The following KCNN2 variants were observed in gnomAD, a reference collection of about 807,000 sequenced individuals.
KCNN2 encodes the protein potassium calcium-activated channel subfamily N member 2.
KCNN2 carries 24 observed loss-of-function variants against 55.5 expected under a neutral mutation model. The observed-to-expected ratio is 0.43, with a 90% CI of 0.31 to 0.61. The LOEUF (loss-of-function observed/expected upper bound fraction) is 0.61, where lower values mean the gene tolerates loss of function less well. KCNN2 is among the 20% of genes least tolerant of loss of function. KCNN2 has a pLI of 0.08. For synonymous variants in KCNN2, 431 were observed against 336.1 expected (o/e 1.28, Z -3.09); for missense variants, 754 against 853.6 (o/e 0.88, Z 1.45).
At chr5:114,284,953 C>G (rs997173258) in intron 2 of KCNN2, among the ~76,000 whole-genome samples, 1 of 151,924 alleles carries the variant, frequency 6.6e-6, no homozygotes, top group Non-Finnish European at 1.5e-5. Flanking sequence ...TTTAAGCTAC[C>G]CAGTCTGTAG....
At chr5:114,432,430 T>G (rs1425734775) in intron 3 of KCNN2, among the ~76,000 whole-genome samples, 1 of 152,274 alleles carries the variant, frequency 6.6e-6, no homozygotes, top group Non-Finnish European at 1.5e-5. Context: ...TATATCATTC[T>G]CTGTTGCCTT....
At chr5:114,413,822 G>C (rs1334271439) in intron 3 of KCNN2, among the ~76,000 whole-genome samples, 1 of 152,150 alleles carries the variant, frequency 6.6e-6, no homozygotes, top group Non-Finnish European at 1.5e-5. Flanking sequence ...CTGATGTACA[G>C]ATTTCATGGA....
intron 1 of KCNN2, among the ~76,000 whole-genome samples, chr5:114,166,007 C>T (rs1225061918): frequency 6.6e-6 from 1 of 152,042 alleles, no homozygotes; most frequent in African/African-American, 2.4e-5. Context: ...GTCTTACCAT[C>T]TATAAATCCT....
intron 2 of KCNN2, among the ~76,000 whole-genome samples, chr5:114,233,819 A>G (rs1561533662): frequency 6.6e-6 from 1 of 152,296 alleles, no homozygotes; most frequent in East Asian, 1.9e-4. Context: ...CTTATCTTTA[A>G]GAAAACTACT....
intron 2 of KCNN2, among the ~76,000 whole-genome samples, chr5:114,396,537 A>G (rs1424864868): frequency 6.8e-6 from 1 of 146,168 alleles, no homozygotes; most frequent in Non-Finnish European, 1.5e-5. Context: ...TAAGCATAGT[A>G]CCCAATAGGT....
At chr5:114,382,286 G>A (rs979844288) in intron 2 of KCNN2, among the ~76,000 whole-genome samples, 2 of 152,084 alleles carry the variant, frequency 1.3e-5, no homozygotes, top group Non-Finnish European at 2.9e-5. Context: ...ACCATCCCTG[G>A]CATCCATCGT....
At chr5:114,059,766 A>G (rs1425223099) in intron 1 of KCNN2, among the ~76,000 whole-genome samples, 1 of 152,220 alleles carries the variant, frequency 6.6e-6, no homozygotes, top group African/African-American at 2.4e-5. Context: ...GTGAAGACAC[A>G]GGATGGCCAG....
chr5:114,431,000 T>C (rs1008919528), intron 3 of KCNN2, among the ~76,000 whole-genome samples: 3 of 152,136 alleles, frequency 2.0e-5, no homozygotes, highest in African/African-American at 7.2e-5. Context: ...CTAACATTTT[T>C]TGAGGATTTT....
At chr5:114,214,828 A>G (rs74642273) in intron 1 of KCNN2, among the ~76,000 whole-genome samples, 4,553 of 152,266 alleles carry the variant, frequency 0.03, 231 homozygotes, top group African/African-American at 0.1. Context: ...ACTTTCCCTG[A>G]GCGAAAATTT....
At chr5:114,067,002 A>G (rs1266934114) in intron 1 of KCNN2, among the ~76,000 whole-genome samples, 1 of 152,234 alleles carries the variant, frequency 6.6e-6, no homozygotes, top group African/African-American at 2.4e-5. Flanking sequence ...ATTATTTCAC[A>G]GTAAGGACAT....
chr5:114,312,680 G>T (rs1193324750), intron 2 of KCNN2, among the ~76,000 whole-genome samples: 8 of 151,728 alleles, frequency 5.3e-5, no homozygotes, highest in Non-Finnish European at 8.8e-5. Flanking sequence ...TAGGGGTTAA[G>T]CCCTAATGAT....
intron 2 of KCNN2, among the ~76,000 whole-genome samples, chr5:114,329,416 G>A (rs1036499138): frequency 6.6e-6 from 1 of 152,214 alleles, no homozygotes; most frequent in Non-Finnish European, 1.5e-5. Flanking sequence ...GGCAGGAGAA[G>A]GTGGAAGGAT....
At chr5:114,422,116 G>C (rs1289118554) in intron 3 of KCNN2, among the ~76,000 whole-genome samples, 1 of 152,214 alleles carries the variant, frequency 6.6e-6, no homozygotes, top group Non-Finnish European at 1.5e-5. Context: ...CACAAAGAGA[G>C]AATGTGAGTT....
chr5:114,374,618 G>C (rs894578962), intron 2 of KCNN2, among the ~76,000 whole-genome samples: 17 of 152,090 alleles, frequency 1.1e-4, no homozygotes, highest in African/African-American at 4.1e-4. Context: ...CAGGGAGCTT[G>C]TATCTTTTCT....
intron 1 of KCNN2, among the ~76,000 whole-genome samples, chr5:114,167,191 A>G (rs1027943111): frequency 7.9e-5 from 12 of 152,106 alleles, no homozygotes; most frequent in African/African-American, 2.4e-4. Context: ...CAGCCTTCAC[A>G]TCTTCTCAGC....
chr5:114,205,495 T>C (rs1416907014), intron 1 of KCNN2, among the ~76,000 whole-genome samples: 1 of 152,166 alleles, frequency 6.6e-6, no homozygotes, highest in Non-Finnish European at 1.5e-5. Flanking sequence ...AAATAACCTA[T>C]AAAACAGAAT....
At chr5:114,431,732 C>T (rs1759800305) in intron 3 of KCNN2, among the ~76,000 whole-genome samples, 1 of 152,082 alleles carries the variant, frequency 6.6e-6, no homozygotes, top group African/African-American at 2.4e-5. Flanking sequence ...AAATTTCCTT[C>T]CAAGTACTGC....
At chr5:114,142,616 C>T (rs1031462311) in intron 1 of KCNN2, among the ~76,000 whole-genome samples, 2 of 152,128 alleles carry the variant, frequency 1.3e-5, no homozygotes, top group African/African-American at 4.8e-5. Context: ...CCATTCACAA[C>T]TGCTTCAAAG....
intron 2 of KCNN2, among the ~76,000 whole-genome samples, chr5:114,399,929 T>TG (rs1758734932): frequency 7.8e-6 from 1 of 128,204 alleles, no homozygotes; most frequent in Non-Finnish European, 1.6e-5. Context: ...TTTTTTTTTT[T>TG]GTTTTTTTTT....
Sources: allele counts gnomAD v4.1 joint callset (sites outside exome capture counted in the v4.1 genomes callset), GRCh38; gene constraint gnomAD v4.1.1; transcripts MANE v1.5; gene names NCBI Gene and HGNC (gene_info 2026-07-23, HGNC 2026-07-21).